Variants in CFAP53 observed in about 807,000 individuals in gnomAD.
The protein encoded by CFAP53 is cilia- and flagella-associated protein 53.
In CFAP53, 62 loss-of-function variants were observed where a neutral mutation model predicts 59.7. That is an observed-to-expected ratio of 1.04 (90% CI 0.85 to 1.28). The LOEUF (loss-of-function observed/expected upper bound fraction) is 1.28. Ranked by LOEUF, CFAP53 falls within the 50% of genes most tolerant of loss-of-function variation. The pLI, the probability that CFAP53 is intolerant of heterozygous loss-of-function variation, is 0.00. For synonymous variants in CFAP53, 218 were observed against 205.7 expected (o/e 1.06, Z -0.51); for missense variants, 629 against 615.6 (o/e 1.02, Z -0.23).
At position 50,236,191 on chromosome 18, in the gene CFAP53, A is replaced by G. The variant is rs147956513; in HGVS notation, c.1316+2412T>C. Among the ~76,000 whole-genome samples, 13 of 152,320 alleles carry G rather than the reference A, an allele frequency of 8.5e-5. No individual in the cohort carries two copies. In the East Asian group the frequency reaches 2.5e-3, roughly 29 times the overall value. ...CCCTGCTACCTTGGTGTTATCAAGT[A>G]GCCCAAGAACCATCCTATAAAATCT... On this transcript the variant is annotated intron_variant, in intron 7 of 7. Coordinates refer to ENST00000398545, the MANE Select transcript of CFAP53 (RefSeq NM_145020.5).
At position 50,258,318 on chromosome 18, in the gene CFAP53, G is replaced by A. The variant is rs1370096882; in HGVS notation, c.473+2746C>T. Reference sequence around the variant, plus strand: ...AAATCTACACACTTACAGTGAACTCGTTTTTGACAAAGGAGCCAAGAACAT... The same window carrying A: ...AAATCTACACACTTACAGTGAACTCATTTTTGACAAAGGAGCCAAGAACAT... On this transcript the variant is annotated intron_variant, in intron 3 of 7. Transcript: ENST00000398545. Among the ~76,000 whole-genome samples the A allele has an allele frequency of 3.3e-5, 5 of 152,098 alleles. No homozygotes were observed. In the East Asian group the frequency reaches 7.7e-4, roughly 23 times the overall value.
chr18:50,247,281 G>A (rs148851757), intron 5 of CFAP53, among the ~76,000 whole-genome samples: 1 of 152,168 alleles, frequency 6.6e-6, no homozygotes, highest in African/African-American at 2.4e-5. Context: ...ATTAGGCTGG[G>A]TAAAATAAAA....
At chr18:50,244,683 A>G (rs1383065143) in intron 5 of CFAP53, among the ~76,000 whole-genome samples, 1 of 152,160 alleles carries the variant, frequency 6.6e-6, no homozygotes, top group Admixed American at 6.5e-5. Context: ...AGAGCATGAC[A>G]GCCCACTTGA....
chr18:50,230,049 T>C (rs1449753564), intron 7 of CFAP53, among the ~76,000 whole-genome samples: 1 of 152,202 alleles, frequency 6.6e-6, no homozygotes, highest in Non-Finnish European at 1.5e-5. Context: ...TGACCCACCA[T>C]GCCTGGCCTC....
Position 50,266,450 on chromosome 18 carries a change from C to T in CFAP53, c.-46G>A. On this transcript the variant is annotated 5_prime_UTR_variant, in exon 1 of 8. Coordinates refer to ENST00000398545, the MANE Select transcript of CFAP53 (RefSeq NM_145020.5). ...GGGGGCGGCGTCCGCCGCGTTTCCC[C>T]CAACCGTGGCGACCTGCGGGACCCG... is the stretch of plus-strand genomic sequence containing the variant. 2 of 1,594,862 alleles carry T rather than the reference C, an allele frequency of 1.3e-6. No homozygotes were observed. The highest frequency in any genetic ancestry group is 1.7e-6 in the Non-Finnish European group (2 of 1,162,486).
At chr18:50,239,406 C>T (rs1455532135) in intron 6 of CFAP53, among the ~76,000 whole-genome samples, 1 of 151,882 alleles carries the variant, frequency 6.6e-6, no homozygotes, top group Non-Finnish European at 1.5e-5. Context: ...AATATTTAAG[C>T]ATCCCAATAG....
intron 7 of CFAP53, among the ~76,000 whole-genome samples, chr18:50,237,338 A>AT (rs2033645674): frequency 2.9e-5 from 1 of 34,402 alleles, no homozygotes; most frequent in Non-Finnish European, 6.4e-5. Context: ...AAATATATAT[A>AT]TATATATATA....
chr18:50,253,737 T>A (rs971377037), intron 3 of CFAP53, among the ~76,000 whole-genome samples: 1 of 152,220 alleles, frequency 6.6e-6, no homozygotes, highest in Non-Finnish European at 1.5e-5. Context: ...GTCCATTTCA[T>A]ATGTGGTAGA....
intron 5 of CFAP53, among the ~76,000 whole-genome samples, chr18:50,244,660 G>A (rs1369833762): frequency 6.6e-6 from 1 of 152,054 alleles, no homozygotes; most frequent in Admixed American, 6.6e-5. Flanking sequence ...GTCTGTTGGT[G>A]GACAGTATCA....
chr18:50,256,747 G>A (rs2033849957), intron 3 of CFAP53, among the ~76,000 whole-genome samples: 1 of 151,924 alleles, frequency 6.6e-6, no homozygotes, highest in Non-Finnish European at 1.5e-5. Context: ...TCTGCACCAT[G>A]TCTTGATCCC....
At chr18:50,241,152 T>C (rs2033686315) in intron 6 of CFAP53, among the ~76,000 whole-genome samples, 1 of 152,248 alleles carries the variant, frequency 6.6e-6, no homozygotes, top group South Asian at 2.1e-4. Flanking sequence ...TCAGCACAGA[T>C]GTAACTTTCA....
chr18:50,235,679 T>G (rs1445768042), intron 7 of CFAP53, among the ~76,000 whole-genome samples: 3 of 152,244 alleles, frequency 2.0e-5, no homozygotes, highest in Non-Finnish European at 4.4e-5. Flanking sequence ...AAAATGTTAC[T>G]GCAGTGAGGG....
chr18:50,238,717 A>G lies in CFAP53; in HGVS notation c.1214-12T>C. ...AGCTTCTCGTTGCACTAAGAAAAGC[A>G]AAAGTAATTATATGTCAAATGACTT... is the stretch of plus-strand genomic sequence containing the variant. On this transcript the variant is annotated splice_polypyrimidine_tract_variant and intron_variant, in intron 6 of 7. Coordinates refer to ENST00000398545, the MANE Select transcript of CFAP53 (RefSeq NM_145020.5). The G allele has an allele frequency of 6.3e-7, 1 of 1,586,644 alleles. No homozygotes were observed. The highest frequency in any genetic ancestry group is 2.2e-5 in the East Asian group (1 of 44,636).
At chr18:50,248,116 G>C (rs561772921) in intron 5 of CFAP53, among the ~76,000 whole-genome samples, 9 of 139,050 alleles carry the variant, frequency 6.5e-5, no homozygotes, top group Admixed American at 1.6e-4. Flanking sequence ...TGAGATACTG[G>C]CTCAACAAAA....
rs1568159846 is a variant in CFAP53 at position 50,261,251 on chromosome 18, CCAAA to C, written c.300-18_300-15del. 2.1e-5 allele frequency: 23 copies of C among 1,110,718 alleles called. No individual in the cohort carries two copies. Among genetic ancestry groups the C allele is most frequent in the South Asian group, 1.4e-4 (4 of 29,238 alleles). 68.8% of individuals were successfully genotyped at this position (1,110,718 alleles called of 1,614,324 possible). A position where few individuals can be genotyped will look rare whatever the true frequency, so the allele number is the denominator to read the frequency against. ...AGCTCACGTAGCCTGAAACAAAAAG[CCAAA>C]AAAAAAAAAAAAAAAAGAAAACTGT... On this transcript the variant is annotated splice_polypyrimidine_tract_variant and intron_variant, in intron 2 of 7. Coordinates refer to ENST00000398545, the MANE Select transcript of CFAP53 (RefSeq NM_145020.5).
intron 3 of CFAP53, among the ~76,000 whole-genome samples, chr18:50,255,086 T>C (rs75487966): frequency 0.025 from 3,823 of 152,304 alleles, 174 homozygotes; most frequent in African/African-American, 0.088. Flanking sequence ...GGTACATTCA[T>C]GCAATGGAAT....
At chr18:50,248,129 T>TAAAA (rs60474914) in intron 5 of CFAP53, among the ~76,000 whole-genome samples, 1 of 134,996 alleles carries the variant, frequency 7.4e-6, no homozygotes, top group Non-Finnish European at 1.6e-5. Flanking sequence ...CAACAAAAAT[T>TAAAA]AAAAAAAAAA....
intron 7 of CFAP53, among the ~76,000 whole-genome samples, chr18:50,234,909 G>A (rs1378604657): frequency 6.6e-6 from 1 of 152,230 alleles, no homozygotes; most frequent in Non-Finnish European, 1.5e-5. Flanking sequence ...ACCCATGCTT[G>A]AGTGCAGCAT....
At chr18:50,243,230 T>A in intron 5 of CFAP53, 114 bp from the exon 6 acceptor site, 1 of 711,174 alleles carries the variant, frequency 1.4e-6, no homozygotes. Context: ...AACTATGTAC[T>A]GAAACATTTA....
Sources: allele counts gnomAD v4.1 joint callset (sites outside exome capture counted in the v4.1 genomes callset), GRCh38; gene constraint gnomAD v4.1.1; transcripts MANE v1.5; gene names NCBI Gene and HGNC (gene_info 2026-07-23, HGNC 2026-07-21).